HS3ST3A1: variants seen among roughly 807,000 people sequenced by gnomAD.
HS3ST3A1 encodes heparan sulfate glucosamine 3-O-sulfotransferase 3A1.
A neutral mutation model predicts 25.7 loss-of-function variants in HS3ST3A1; 19 were observed. The ratio of observed to expected loss-of-function variants is 0.74; its 90% confidence interval spans 0.52 to 1.08. The LOEUF (loss-of-function observed/expected upper bound fraction) is 1.08, where lower values mean the gene tolerates loss of function less well. Ranked by LOEUF, HS3ST3A1 falls within the 50% of genes least tolerant of loss-of-function variation. The pLI is 0.00. For synonymous variants in HS3ST3A1, 226 were observed against 278.6 expected, an observed-to-expected ratio of 0.81 and a Z score of 1.88; for missense variants, 459 against 594.3, an observed-to-expected ratio of 0.77 and a Z score of 2.37.
At chr17:13,512,781 G>GT (rs1327738729) in intron 1 of HS3ST3A1, among the ~76,000 whole-genome samples, 1 of 151,366 alleles carries the variant, frequency 6.6e-6, no homozygotes, top group African/African-American at 2.4e-5. Flanking sequence ...ATTGTACTGC[G>GT]TAAGTATGTA....
chr17:13,530,514 A>G (rs1906573206), intron 1 of HS3ST3A1, among the ~76,000 whole-genome samples: 1 of 152,196 alleles, frequency 6.6e-6, no homozygotes, highest in South Asian at 2.1e-4. Context: ...CAAGACAGGC[A>G]GATTTCAAAG....
chr17:13,498,428 C>G (rs554155955), intron 1 of HS3ST3A1, among the ~76,000 whole-genome samples: 4 of 152,254 alleles, frequency 2.6e-5, no homozygotes, highest in African/African-American at 7.2e-5. Context: ...TCTCTCTCCC[C>G]CAAGGCAGGT....
intron 1 of HS3ST3A1, among the ~76,000 whole-genome samples, chr17:13,527,826 G>T (rs546042639): frequency 6.6e-6 from 1 of 152,158 alleles, no homozygotes; most frequent in African/African-American, 2.4e-5. Flanking sequence ...CTGTAATTGC[G>T]TGGGGACTTC....
Position 13,585,826 on chromosome 17 carries a change from A to T in HS3ST3A1, c.599+14705T>A, listed in dbSNP as rs1343524212. ...TTGCTCGTTCCCCTTGAGACCTGTT[A>T]TTCCTCCTTCTGCGTTTTTTTTTTT... is the stretch of plus-strand genomic sequence containing the variant. On this transcript the variant is annotated intron_variant, in intron 1 of 1. Coordinates refer to ENST00000284110, the MANE Select transcript of HS3ST3A1 (RefSeq NM_006042.3). Among the ~76,000 whole-genome samples the T allele has an allele frequency of 1.6e-4, 18 of 111,046 alleles. 1 individual carries two copies. Among genetic ancestry groups the T allele is most frequent in the Admixed American group, 8.4e-4 (9 of 10,764 alleles). The allele number at this position is 111,046 out of a possible 152,430, so 72.9% of individuals were successfully genotyped here. A position where few individuals can be genotyped will look rare whatever the true frequency, so the allele number is the denominator to read the frequency against.
intron 1 of HS3ST3A1, among the ~76,000 whole-genome samples, chr17:13,533,690 A>G (rs1045787759): frequency 1.3e-5 from 2 of 152,090 alleles, no homozygotes; most frequent in Non-Finnish European, 2.9e-5. Flanking sequence ...CTATAATTTG[A>G]TCAAATAGGA....
chr17:13,514,255 T>C (rs1381438068), intron 1 of HS3ST3A1, among the ~76,000 whole-genome samples: 1 of 152,060 alleles, frequency 6.6e-6, no homozygotes, highest in Non-Finnish European at 1.5e-5. Flanking sequence ...TAGTGGTTTT[T>C]AAAAAATAGT....
chr17:13,516,694 TA>T (rs1008129856), intron 1 of HS3ST3A1, among the ~76,000 whole-genome samples: 2 of 152,350 alleles, frequency 1.3e-5, no homozygotes. Flanking sequence ...TGTTCTTTTT[TA>T]AGATGCAGAA....
chr17:13,509,066 A>C (rs1269248325), intron 1 of HS3ST3A1, among the ~76,000 whole-genome samples: 1 of 151,806 alleles, frequency 6.6e-6, no homozygotes, highest in Non-Finnish European at 1.5e-5. Context: ...TTAGAGTTTG[A>C]GAAAAAAGGA....
intron 1 of HS3ST3A1, among the ~76,000 whole-genome samples, chr17:13,546,938 C>T (rs1163236634): frequency 6.6e-6 from 1 of 152,176 alleles, no homozygotes; most frequent in African/African-American, 2.4e-5. Context: ...CGATGGGCTA[C>T]TAAGCAGTAT....
chr17:13,531,917 A>G (rs902997551), intron 1 of HS3ST3A1, among the ~76,000 whole-genome samples: 1 of 152,154 alleles, frequency 6.6e-6, no homozygotes, highest in Admixed American at 6.5e-5. Context: ...ATGATTCAGC[A>G]TTTACTAATT....
At position 13,533,204 on chromosome 17, in the gene HS3ST3A1, C is replaced by T. The variant is rs185238097; in HGVS notation, c.600-36386G>A. ...TAGTCAAGTTAGGCTTTCACATTTG[C>T]TTACCAACCTTGTAAATGGCATGCA... On this transcript the variant is annotated intron_variant, in intron 1 of 1. Coordinates refer to ENST00000284110, the MANE Select transcript of HS3ST3A1 (RefSeq NM_006042.3). Among the ~76,000 whole-genome samples the T allele has an allele frequency of 4.4e-3, 670 of 152,176 alleles. 8 individuals are homozygous for T. Among genetic ancestry groups the T allele is most frequent in the Middle Eastern group, 0.017 (5 of 294 alleles).
intron 1 of HS3ST3A1, among the ~76,000 whole-genome samples, chr17:13,549,245 G>A (rs1907176321): frequency 6.6e-6 from 1 of 152,116 alleles, no homozygotes; most frequent in Admixed American, 6.5e-5. Context: ...CTTCACTCCT[G>A]AAATCAGCAA....
chr17:13,560,919 G>A (rs1172014196), intron 1 of HS3ST3A1, among the ~76,000 whole-genome samples: 1 of 152,166 alleles, frequency 6.6e-6, no homozygotes, highest in Non-Finnish European at 1.5e-5. Flanking sequence ...CAGCAATACT[G>A]TACAGCAAAG....
chr17:13,593,682 T>C (rs1908498250), intron 1 of HS3ST3A1, among the ~76,000 whole-genome samples: 1 of 152,230 alleles, frequency 6.6e-6, no homozygotes, highest in Admixed American at 6.5e-5. Flanking sequence ...CCTGTTAGGC[T>C]TCTCCTGCCT....
chr17:13,534,825 T>C (rs6502277), intron 1 of HS3ST3A1, among the ~76,000 whole-genome samples: 67,241 of 151,738 alleles, frequency 0.44, 16,558 homozygotes, highest in African/African-American at 0.67. Flanking sequence ...TGGGAGTTCG[T>C]GACCAGCCTG....
intron 1 of HS3ST3A1, among the ~76,000 whole-genome samples, chr17:13,556,538 T>TAAAATAAAATAAAATAAAAG (rs1341001047): frequency 6.8e-6 from 1 of 146,336 alleles, no homozygotes; most frequent in Non-Finnish European, 1.5e-5. Context: ...GAAAATAAAA[T>TAAAATAAAATAAAATAAAAG]AAATAGATAA....
Position 13,601,828 on chromosome 17 carries a change from G to T in HS3ST3A1, c.-699C>A, listed in dbSNP as rs1200880137. 1 of 153,728 alleles carries T rather than the reference G, an allele frequency of 6.5e-6. No homozygotes were observed. Among genetic ancestry groups the T allele is most frequent in the East Asian group, 1.9e-4 (1 of 5,228 alleles). The allele number at this position is 153,728 out of a possible 1,614,324, so 9.5% of individuals were successfully genotyped here. A position where few individuals can be genotyped will look rare whatever the true frequency, so the allele number is the denominator to read the frequency against. On this transcript the variant is annotated 5_prime_UTR_variant, in exon 1 of 2. Coordinates refer to ENST00000284110, the MANE Select transcript of HS3ST3A1 (RefSeq NM_006042.3). ...CAAACTGCTCTTGGACCCCACCTGT[G>T]AGCCGCGTGGCTGGGCTGGGCTGGG...
Position 13,601,194 on chromosome 17 carries a change from G to A in HS3ST3A1, c.-65C>T, listed in dbSNP as rs1423857522. Reference sequence around the variant, plus strand: ...TAGGCCTGGACCCCGACAGGTGCCAGAGCATCCCCCCGGCGGGCCAGCGCG... The same window carrying A: ...TAGGCCTGGACCCCGACAGGTGCCAAAGCATCCCCCCGGCGGGCCAGCGCG... On this transcript the variant is annotated 5_prime_UTR_variant, in exon 1 of 2. Transcript: ENST00000284110. 8 of 1,261,576 alleles carry A rather than the reference G, an allele frequency of 6.3e-6. No individual in the cohort carries two copies. Among genetic ancestry groups the A allele is most frequent in the Non-Finnish European group, 7.3e-6 (7 of 954,214 alleles). 78.1% of individuals were successfully genotyped at this position (1,261,576 alleles called of 1,614,324 possible).
chr17:13,527,255 T>C (rs1368092453), intron 1 of HS3ST3A1, among the ~76,000 whole-genome samples: 13 of 152,116 alleles, frequency 8.5e-5, no homozygotes, highest in Non-Finnish European at 1.9e-4. Flanking sequence ...TATGTTCCTA[T>C]CTGCTATATC....
Sources: allele counts gnomAD v4.1 joint callset (sites outside exome capture counted in the v4.1 genomes callset), GRCh38; gene constraint gnomAD v4.1.1; transcripts MANE v1.5; gene names NCBI Gene and HGNC (gene_info 2026-07-23, HGNC 2026-07-21).